STK4: variants seen among roughly 807,000 people sequenced by gnomAD.
STK4 encodes serine/threonine-protein kinase 4.
STK4 carries 30 observed loss-of-function variants against 64.9 expected under a neutral mutation model. The ratio of observed to expected loss-of-function variants is 0.46; its 90% CI spans 0.35 to 0.63. The LOEUF (loss-of-function observed/expected upper bound fraction) is 0.63. Among genes scored for constraint, STK4 ranks in the 20% least tolerant of loss-of-function variants. The pLI is 0.01. For synonymous variants in STK4, 177 were observed against 199.0 expected, an observed-to-expected ratio of 0.89 and a Z score of 0.93; for missense variants, 466 against 598.5, an observed-to-expected ratio of 0.78 and a Z score of 2.31.
chr20:44,976,864 A>C (rs1482459638), intron 2 of STK4, among the ~76,000 whole-genome samples: 1 of 152,228 alleles, frequency 6.6e-6, no homozygotes, highest in East Asian at 1.9e-4. Flanking sequence ...TTCAAGCATC[A>C]TCCCTCACAT....
intron 10 of STK4, among the ~76,000 whole-genome samples, chr20:45,036,266 G>T (rs1028003367): frequency 1.3e-5 from 2 of 152,160 alleles, no homozygotes; most frequent in East Asian, 3.9e-4. Flanking sequence ...ATGGAAACTT[G>T]TAGAAATAAA....
chr20:45,021,468 G>A (rs1011748384), intron 9 of STK4, among the ~76,000 whole-genome samples: 7 of 152,180 alleles, frequency 4.6e-5, no homozygotes, highest in African/African-American at 1.4e-4. Context: ...AATCATTATG[G>A]TGGAGGCATT....
chr20:44,988,493 G>GTGTA (rs766931294), intron 5 of STK4, among the ~76,000 whole-genome samples: 2 of 144,262 alleles, frequency 1.4e-5, no homozygotes, highest in Non-Finnish European at 3.0e-5. Flanking sequence ...AAAAAAAAAT[G>GTGTA]TGTATGTATG....
rs771465023 is a variant in STK4, at chr20:44,966,648, G to T, written c.35+45G>T. 2.4e-6 allele frequency: 3 copies of T among 1,261,864 alleles called. No homozygotes were observed. In the East Asian group the frequency reaches 9.4e-5, roughly 40 times the overall value. 78.2% of individuals were successfully genotyped at this position (1,261,864 alleles called of 1,614,324 possible). A position where few individuals can be genotyped will look rare whatever the true frequency, so the allele number is the denominator to read the frequency against. ...GAGGACGGGCATGGGGTCAGGGGAA[G>T]AAAAGGCGGGAACTGGTTGAGGGGA... On this transcript the variant is annotated intron_variant, in intron 1 of 10. Coordinates refer to ENST00000372806, the MANE Select transcript of STK4 (RefSeq NM_006282.5).
intron 9 of STK4, among the ~76,000 whole-genome samples, chr20:45,004,669 C>T (rs777913964): frequency 6.6e-6 from 1 of 150,562 alleles, no homozygotes; most frequent in Non-Finnish European, 1.5e-5. Flanking sequence ...TGCAGAGACT[C>T]TTTAGTTTAA....
chr20:44,971,042 TTTG>T (rs1245372525), intron 1 of STK4, among the ~76,000 whole-genome samples: 15 of 150,432 alleles, frequency 1.0e-4, no homozygotes, highest in Admixed American at 9.3e-4. Context: ...CTCTCTATTC[TTTG>T]TTGTTCTTTG....
chr20:45,031,882 C>G (rs147609347), intron 10 of STK4, among the ~76,000 whole-genome samples: 3,961 of 132,774 alleles, frequency 0.03, 171 homozygotes, highest in African/African-American at 0.1. Context: ...TCCAGCCTGG[C>G]TGACACAGCG....
chr20:45,039,905 A>G (rs2068585746), intron 10 of STK4, among the ~76,000 whole-genome samples: 1 of 152,072 alleles, frequency 6.6e-6, no homozygotes, highest in Non-Finnish European at 1.5e-5. Flanking sequence ...ACAGTAGAAA[A>G]GTCAAATAGT....
At chr20:45,041,306 T>TATGA (rs1237078998) in intron 10 of STK4, among the ~76,000 whole-genome samples, 2 of 150,508 alleles carry the variant, frequency 1.3e-5, no homozygotes, top group African/African-American at 2.5e-5. Context: ...AAGACACATG[T>TATGA]ATGCATGCAT....
intron 3 of STK4, among the ~76,000 whole-genome samples, chr20:44,979,298 A>T (rs1440132735): frequency 1.3e-5 from 2 of 152,218 alleles, no homozygotes; most frequent in Admixed American, 6.5e-5. Context: ...AAATCTATAA[A>T]AAAAGAGTAG....
At chr20:45,019,840 C>G (rs2068211557) in intron 9 of STK4, among the ~76,000 whole-genome samples, 2 of 152,148 alleles carry the variant, frequency 1.3e-5, no homozygotes, top group African/African-American at 2.4e-5. Context: ...GACAGCATGG[C>G]CTTTAATCAG....
chr20:45,052,301 A>G (rs74442687), intron 10 of STK4, among the ~76,000 whole-genome samples: 14,669 of 152,118 alleles, frequency 0.096, 794 homozygotes, highest in East Asian at 0.19. Context: ...TAATAATTAC[A>G]TTTTAACATT....
chr20:45,025,362 T>G (rs1369600383), intron 10 of STK4, among the ~76,000 whole-genome samples: 1 of 152,224 alleles, frequency 6.6e-6, no homozygotes, highest in African/African-American at 2.4e-5. Context: ...TTTTGTCCAG[T>G]TAGAAATTGT....
intron 10 of STK4, among the ~76,000 whole-genome samples, chr20:45,025,648 A>T (rs1389168924): frequency 1.3e-5 from 2 of 152,200 alleles, no homozygotes; most frequent in African/African-American, 4.8e-5. Flanking sequence ...TCCCTCAACC[A>T]TAGACACTTA....
chr20:45,065,217 T>C (rs971899918), intron 10 of STK4, among the ~76,000 whole-genome samples: 8 of 152,156 alleles, frequency 5.3e-5, no homozygotes, highest in African/African-American at 1.7e-4. Context: ...CATGTGGTTT[T>C]TGTTTTTAGT....
At chr20:45,022,419 C>CA (rs1057494041) in intron 9 of STK4, among the ~76,000 whole-genome samples, 1 of 152,088 alleles carries the variant, frequency 6.6e-6, no homozygotes, top group African/African-American at 2.4e-5. Flanking sequence ...AGACAAAGAA[C>CA]AGTTGGTGTT....
chr20:45,058,608 T>G (rs1978705014), intron 10 of STK4, among the ~76,000 whole-genome samples: 1 of 152,200 alleles, frequency 6.6e-6, no homozygotes, highest in South Asian at 2.1e-4. Context: ...GCTTTTTTTA[T>G]TTGGCAGGAA....
chr20:45,009,730 C>T (rs970328340), intron 9 of STK4, among the ~76,000 whole-genome samples: 1 of 152,070 alleles, frequency 6.6e-6, no homozygotes, highest in Admixed American at 6.5e-5. Flanking sequence ...TTGTAGTTCT[C>T]CTAGAGATCC....
chr20:45,037,971 A>G (rs1293028306), intron 10 of STK4, among the ~76,000 whole-genome samples: 1 of 152,184 alleles, frequency 6.6e-6, no homozygotes, highest in East Asian at 1.9e-4. Context: ...TCAAGAATGC[A>G]TCTTGATGTT....
Sources: gnomAD v4.1 joint callset for allele counts (sites outside exome capture counted in the v4.1 genomes callset) on GRCh38, gnomAD v4.1.1 for gene constraint, MANE v1.5 for transcripts, NCBI Gene and HGNC (gene_info 2026-07-23, HGNC 2026-07-21) for gene names.